Variants in GRM8 observed in about 807,000 individuals in gnomAD.
GRM8 encodes metabotropic glutamate receptor 8.
GRM8 carries 47 observed loss-of-function variants against 87.2 expected under a neutral mutation model. The observed-to-expected ratio is 0.54, with a 90% CI of 0.43 to 0.69. The LOEUF is 0.69. GRM8 is among the 30% of genes least tolerant of loss of function. The pLI is 0.00. For missense variants in GRM8, 1,019 were observed against 1,139.2 expected (o/e 0.89, Z 1.52); for synonymous variants, 396 against 404.5 (o/e 0.98, Z 0.25).
intron 7 of GRM8, among the ~76,000 whole-genome samples, chr7:126,759,014 C>T (rs946859045): frequency 2.6e-5 from 4 of 152,110 alleles, no homozygotes; most frequent in Admixed American, 6.6e-5. Context: ...TCTCCTGCCT[C>T]AGCCTCCCTA....
intron 6 of GRM8, among the ~76,000 whole-genome samples, chr7:126,872,492 G>A (rs11973715): frequency 0.022 from 3,365 of 152,164 alleles, 131 homozygotes; most frequent in African/African-American, 0.077. Context: ...AGCAGTCATC[G>A]AAATAAATGA....
At chr7:126,647,312 TAGATAGATAGATAGATAGATAGATAG>T (rs1453377889) in intron 7 of GRM8, among the ~76,000 whole-genome samples, 42 of 87,798 alleles carry the variant, frequency 4.8e-4, no homozygotes, top group Middle Eastern at 6.8e-3. Flanking sequence ...GATAGATAGA[TAGATAGATAGATAGATAGATAGATAG>T]ATAGATATAG....
intron 8 of GRM8, among the ~76,000 whole-genome samples, chr7:126,561,400 C>T (rs992252976): frequency 5.9e-5 from 9 of 151,404 alleles, no homozygotes; most frequent in Non-Finnish European, 8.8e-5. Context: ...GAACCCAGGG[C>T]GGAGGTTGCA....
chr7:126,764,776 G>C (rs1818010687), intron 7 of GRM8, among the ~76,000 whole-genome samples: 1 of 151,852 alleles, frequency 6.6e-6, no homozygotes, highest in Non-Finnish European at 1.5e-5. Context: ...CCAATACAAG[G>C]GTTTGCATTA....
chr7:126,500,849 T>G (rs1809532519), intron 9 of GRM8, among the ~76,000 whole-genome samples: 1 of 152,004 alleles, frequency 6.6e-6, no homozygotes, highest in South Asian at 2.1e-4. Context: ...ACTTTTTAAT[T>G]GAATAATGTC....
At chr7:126,906,238 C>T (rs960702120) in intron 3 of GRM8, among the ~76,000 whole-genome samples, 5 of 152,154 alleles carry the variant, frequency 3.3e-5, no homozygotes, top group Admixed American at 6.5e-5. Flanking sequence ...CATGCTGGCA[C>T]CTTGCTCTCA....
At chr7:126,932,411 C>T (rs1332409891) in intron 3 of GRM8, among the ~76,000 whole-genome samples, 2 of 151,984 alleles carry the variant, frequency 1.3e-5, no homozygotes, top group African/African-American at 2.4e-5. Context: ...GTTGGCACTA[C>T]ACAAAAAAAA....
intron 7 of GRM8, among the ~76,000 whole-genome samples, chr7:126,686,526 G>T (rs915718143): frequency 6.6e-6 from 1 of 152,244 alleles, no homozygotes; most frequent in South Asian, 2.1e-4. Context: ...GCATTCGCTG[G>T]TGCCAGCTGG....
chr7:126,723,242 A>AT (rs982639034), intron 7 of GRM8, among the ~76,000 whole-genome samples: 2 of 151,846 alleles, frequency 1.3e-5, no homozygotes, highest in Admixed American at 6.6e-5. Context: ...GGTATAAGAA[A>AT]TATCTTCTTC....
chr7:126,546,230 C>T (rs1229089886), intron 8 of GRM8, among the ~76,000 whole-genome samples: 3 of 152,098 alleles, frequency 2.0e-5, no homozygotes, highest in African/African-American at 7.2e-5. Context: ...AAGTATTTTC[C>T]TCATATTTTG....
intron 7 of GRM8, among the ~76,000 whole-genome samples, chr7:126,667,470 T>C (rs966318987): frequency 1.3e-5 from 2 of 152,204 alleles, no homozygotes; most frequent in Non-Finnish European, 2.9e-5. Flanking sequence ...AATGTGCCAA[T>C]TATTCAGGGA....
At chr7:126,456,518 C>T (rs1297601959) in intron 9 of GRM8, among the ~76,000 whole-genome samples, 1 of 5,720 alleles carries the variant, frequency 1.7e-4, no homozygotes, top group African/African-American at 1.7e-3. Flanking sequence ...AAGCAGCAAG[C>T]TAAAAAAAAA....
intron 7 of GRM8, among the ~76,000 whole-genome samples, chr7:126,743,045 T>C (rs1293974443): frequency 1.3e-5 from 2 of 152,084 alleles, no homozygotes; most frequent in East Asian, 1.9e-4. Flanking sequence ...GGGACTGCAA[T>C]GAATGGAGCC....
chr7:126,604,415 C>T (rs767764217), intron 8 of GRM8, among the ~76,000 whole-genome samples: 13 of 152,120 alleles, frequency 8.5e-5, no homozygotes, highest in Non-Finnish European at 1.3e-4. Flanking sequence ...ACTGCAAATA[C>T]AGCTTCAGTT....
At chr7:126,612,878 C>T (rs1419477) in intron 7 of GRM8, among the ~76,000 whole-genome samples, 83,202 of 151,888 alleles carry the variant, frequency 0.55, 23,026 homozygotes, top group South Asian at 0.65. Flanking sequence ...TATTCACAAA[C>T]GGAGAGACCA....
intron 3 of GRM8, among the ~76,000 whole-genome samples, chr7:126,946,250 C>A (rs900040357): frequency 1.3e-5 from 2 of 152,096 alleles, no homozygotes; most frequent in Non-Finnish European, 2.9e-5. Context: ...GCCTGTAATC[C>A]CAGAACATTG....
chr7:126,671,431 T>A (rs1299561728), intron 7 of GRM8, among the ~76,000 whole-genome samples: 1 of 152,106 alleles, frequency 6.6e-6, no homozygotes, highest in Non-Finnish European at 1.5e-5. Flanking sequence ...AAGTCTGTTT[T>A]ATAAATCATT....
chr7:126,887,516 C>T (rs1472876337), intron 6 of GRM8, among the ~76,000 whole-genome samples: 2 of 151,868 alleles, frequency 1.3e-5, no homozygotes, highest in Non-Finnish European at 2.9e-5. Flanking sequence ...TGAGTTTGCC[C>T]CTTTTTGACA....
At chr7:126,998,336 C>G (rs1813379521) in intron 3 of GRM8, among the ~76,000 whole-genome samples, 1 of 151,800 alleles carries the variant, frequency 6.6e-6, no homozygotes, top group South Asian at 2.1e-4. Flanking sequence ...GAAAGCCTTT[C>G]CTCTAAGCTC....
Sources: allele counts gnomAD v4.1 joint callset (sites outside exome capture counted in the v4.1 genomes callset), GRCh38; gene constraint gnomAD v4.1.1; transcripts MANE v1.5; gene names NCBI Gene and HGNC (gene_info 2026-07-23, HGNC 2026-07-21).